SRP68: variants seen among roughly 807,000 people sequenced by gnomAD.
SRP68 encodes signal recognition particle subunit SRP68.
Under a neutral mutation model 82.2 loss-of-function variants are expected in SRP68, and 15 were observed. The ratio of observed to expected loss-of-function variants is 0.18; its 90% CI spans 0.12 to 0.28. The LOEUF (loss-of-function observed/expected upper bound fraction) is 0.28, where lower values mean the gene tolerates loss of function less well. Among genes scored for constraint, SRP68 ranks in the 10% least tolerant of loss-of-function variants. The probability of loss-of-function intolerance (pLI) is 1.00; values close to 1 mark genes in which losing one functional copy is unlikely to be tolerated. For synonymous variants in SRP68, 261 were observed against 292.6 expected, an observed-to-expected ratio of 0.89 and a Z score of 1.10; for missense variants, 595 against 780.5, an observed-to-expected ratio of 0.76 and a Z score of 2.83.
At chr17:76,067,868 A>G (rs1249087938) in intron 2 of SRP68, among the ~76,000 whole-genome samples, 2 of 152,250 alleles carry the variant, frequency 1.3e-5, no homozygotes, top group African/African-American at 4.8e-5. Context: ...AGGAACCCAC[A>G]TTAAAATTGA....
intron 4 of SRP68, among the ~76,000 whole-genome samples, chr17:76,063,301 C>T (rs186099361): frequency 8.5e-5 from 13 of 152,114 alleles, no homozygotes; most frequent in African/African-American, 3.1e-4. Context: ...TTAAAAAACT[C>T]ACTTCCAAAA....
chr17:76,055,908 A>T (rs983924055), intron 8 of SRP68, among the ~76,000 whole-genome samples: 7 of 149,438 alleles, frequency 4.7e-5, no homozygotes, highest in African/African-American at 1.7e-4. Flanking sequence ...CCCGGGCTCA[A>T]GTGATCCTCT....
intron 9 of SRP68, chr17:76,049,209 G>A (rs980785281): frequency 1.2e-4 from 19 of 152,104 alleles, no homozygotes; most frequent in Admixed American, 1.0e-3. Context: ...TATGTTTAAC[G>A]TTTTTTACCA....
At chr17:76,053,253 G>A (rs1330518902) in intron 8 of SRP68, among the ~76,000 whole-genome samples, 1 of 130,940 alleles carries the variant, frequency 7.6e-6, no homozygotes, top group Admixed American at 8.2e-5. Flanking sequence ...GTGACAGGGT[G>A]AGACCCTGTC....
intron 10 of SRP68, 39 bp downstream of exon 10, chr17:76,047,867 A>T: frequency 1.9e-6 from 2 of 1,078,568 alleles, no homozygotes; most frequent in South Asian, 2.1e-5. Flanking sequence ...CAAATATTTT[A>T]ATAATATTAA....
chr17:76,046,256 G>A (rs2144489169), intron 10 of SRP68, 62 bp from the exon 11 acceptor site: 1 of 1,592,486 alleles, frequency 6.3e-7, no homozygotes, highest in African/African-American at 1.3e-5. Flanking sequence ...TGGGAGGACT[G>A]GACTACAAGT....
chr17:76,045,526 G>T, intron 11 of SRP68, 140 bp from the exon 12 acceptor site: 1 of 631,022 alleles, frequency 1.6e-6, no homozygotes, highest in Non-Finnish European at 2.7e-6. Flanking sequence ...CCTGTGAAGA[G>T]ATTGGGCAGC....
At chr17:76,053,519 C>G in intron 8 of SRP68, 1 of 985,096 alleles carries the variant, frequency 1.0e-6, no homozygotes, top group Non-Finnish European at 1.2e-6. Context: ...TTGACTGCCA[C>G]GTATCACCTC....
chr17:76,047,538 C>A (rs946241883), intron 10 of SRP68, among the ~76,000 whole-genome samples: 9 of 152,132 alleles, frequency 5.9e-5, no homozygotes, highest in Admixed American at 6.5e-5. Flanking sequence ...AATCCCCGCA[C>A]TGTGGGAGGC....
At chr17:76,042,378 C>T (rs1056310929) in intron 13 of SRP68, among the ~76,000 whole-genome samples, 2 of 151,550 alleles carry the variant, frequency 1.3e-5, no homozygotes, top group Non-Finnish European at 2.9e-5. Flanking sequence ...CTGAGGTCAG[C>T]GGATCAAGAG....
chr17:76,061,034 G>C, intron 6 of SRP68, 76 bp downstream of exon 6: 1 of 887,100 alleles, frequency 1.1e-6, no homozygotes, highest in African/African-American at 1.7e-5. Flanking sequence ...AACTCTCTAG[G>C]CTCTCTGAAG....
At chr17:76,046,844 G>A (rs996052545) in intron 10 of SRP68, among the ~76,000 whole-genome samples, 1 of 151,994 alleles carries the variant, frequency 6.6e-6, no homozygotes, top group African/African-American at 2.4e-5. Flanking sequence ...GGGAGGCTGA[G>A]GTAGGAAAAT....
chr17:76,071,635 C>T lies in SRP68; in HGVS notation c.184+673G>A, dbSNP rs1370904028. ...TGAATGTGTTATTTCAGAAACTCGC[C>T]TACGTTTTCTCCATTTGTTATTCAT... On this transcript the variant is annotated intron_variant, in intron 1 of 15. Transcript: ENST00000307877. This position sits in a 1 kb window ranked among gnomAD's most constrained non-coding sequence, Gnocchi z 4.7. 1.3e-5 allele frequency among the ~76,000 whole-genome samples: 2 copies of T among 152,192 alleles called. No homozygotes were observed. Among genetic ancestry groups the T allele is most frequent in the Non-Finnish European group, 2.9e-5 (2 of 68,036 alleles).
intron 4 of SRP68, 160 bp from the exon 5 acceptor site, chr17:76,061,734 G>C (rs868029052): frequency 1.9e-6 from 1 of 518,708 alleles, no homozygotes; most frequent in Non-Finnish European, 3.5e-6. Context: ...GCCCAGGTGG[G>C]AGGATCACTT....
chr17:76,060,874 G>T, intron 6 of SRP68: 1 of 490,104 alleles, frequency 2.0e-6, no homozygotes. Flanking sequence ...ACTCAAGACT[G>T]CTCTTCGGGG....
chr17:76,070,560 GC>G, intron 1 of SRP68, 116 bp from the exon 2 acceptor site: 1 of 902,914 alleles, frequency 1.1e-6, no homozygotes, highest in Non-Finnish European at 1.8e-6. Flanking sequence ...GTGAAATATA[GC>G]CAGGTACGGT....
intron 4 of SRP68, among the ~76,000 whole-genome samples, chr17:76,063,624 G>C: frequency 6.6e-6 from 1 of 150,708 alleles, no homozygotes; most frequent in East Asian, 2.0e-4. Context: ...ACAGGCAGAC[G>C]TTGCAGTGAG....
rs1168111688 is a variant in SRP68 at position 76,060,125 on chromosome 17, CAAAAAAAAAAAA to C, written c.837+171_837+182del. On this transcript the variant is annotated intron_variant, in intron 7 of 15. Coordinates refer to ENST00000307877, the MANE Select transcript of SRP68 (RefSeq NM_014230.4). ...TGGGTGACAGAGCGAGACTCCATCT[CAAAAAAAAAAAA>C]AAAAAAAAAAAAAGAAAAAGTTTTT... 3.5e-4 allele frequency among the ~76,000 whole-genome samples: 10 copies of C among 28,790 alleles called. 1 individual carries two copies. Among genetic ancestry groups the C allele is most frequent in the South Asian group, 3.0e-3 (1 of 332 alleles). The allele number at this position is 28,790 out of a possible 152,430, so 18.9% of individuals were successfully genotyped here.
At chr17:76,052,351 A>T (rs2066679078) in intron 8 of SRP68, among the ~76,000 whole-genome samples, 1 of 152,146 alleles carries the variant, frequency 6.6e-6, no homozygotes, top group Non-Finnish European at 1.5e-5. Context: ...TCAAAGTACA[A>T]ATCTGTGGAA....
Sources: allele counts gnomAD v4.1 joint callset (sites outside exome capture counted in the v4.1 genomes callset), GRCh38; gene constraint gnomAD v4.1.1; non-coding constraint Gnocchi (gnomAD v3.1); transcripts MANE v1.5; gene names NCBI Gene and HGNC (gene_info 2026-07-23, HGNC 2026-07-21).